FANCL: variants seen among roughly 807,000 people sequenced by gnomAD.
FANCL encodes FA complementation group L.
A neutral mutation model predicts 59.4 loss-of-function variants in FANCL; 69 were observed. That is an observed-to-expected ratio of 1.16 (90% CI 0.96 to 1.42). The LOEUF (loss-of-function observed/expected upper bound fraction) is 1.42. Among genes scored for constraint, FANCL ranks in the 40% most tolerant of loss-of-function variants. The pLI, the probability that FANCL is intolerant of heterozygous loss-of-function variation, is 0.00. For synonymous variants in FANCL, 180 were observed against 147.1 expected, an observed-to-expected ratio of 1.22 and a Z score of -1.62; for missense variants, 519 against 447.2, an observed-to-expected ratio of 1.16 and a Z score of -1.45.
At chr2:58,231,161 C>A (rs1468806509) in intron 2 of FANCL, among the ~76,000 whole-genome samples, 1 of 152,176 alleles carries the variant, frequency 6.6e-6, no homozygotes, top group Non-Finnish European at 1.5e-5. Context: ...AGTGACCAGT[C>A]CTTTAAATGT....
intron 7 of FANCL, among the ~76,000 whole-genome samples, chr2:58,190,211 T>C (rs1452964017): frequency 6.6e-6 from 1 of 151,990 alleles, no homozygotes; most frequent in Middle Eastern, 3.2e-3. Flanking sequence ...CTTCTATACT[T>C]AAGTTATTTT....
chr2:58,186,103 T>C (rs1381931380), intron 7 of FANCL, among the ~76,000 whole-genome samples: 1 of 152,172 alleles, frequency 6.6e-6, no homozygotes, highest in Admixed American at 6.6e-5. Flanking sequence ...ATTACAATTT[T>C]CTAGGGGCAA....
intron 6 of FANCL, 63 bp from the exon 7 acceptor site, chr2:58,198,725 T>C: frequency 7.5e-7 from 1 of 1,331,386 alleles, no homozygotes. Context: ...CTGAGGTATT[T>C]TAGAAAAACT....
chr2:58,163,146 G>A (rs1024412127), intron 9 of FANCL, 72 bp from the exon 10 acceptor site: 2 of 1,312,794 alleles, frequency 1.5e-6, no homozygotes, highest in Admixed American at 3.6e-5. Context: ...ATTTGATACA[G>A]AATGTTTCTT....
intron 7 of FANCL, among the ~76,000 whole-genome samples, chr2:58,172,805 G>C (rs1007623063): frequency 1.3e-5 from 2 of 152,214 alleles, no homozygotes; most frequent in African/African-American, 2.4e-5. Context: ...TTGACGAGTT[G>C]AGAGAAGAAG....
At chr2:58,163,403 T>A (rs10445895) in intron 9 of FANCL, 31 bp downstream of exon 9, 1 of 1,430,136 alleles carries the variant, frequency 7.0e-7, no homozygotes, top group East Asian at 2.3e-5. Context: ...TATGACTCTA[T>A]TAAAAAACGT....
At chr2:58,184,527 T>C (rs1688219976) in intron 7 of FANCL, among the ~76,000 whole-genome samples, 1 of 152,054 alleles carries the variant, frequency 6.6e-6, no homozygotes, top group Admixed American at 6.6e-5. Context: ...TTTGCAACTG[T>C]TAGATCTGCT....
chr2:58,169,053 G>A (rs993978306), intron 7 of FANCL, among the ~76,000 whole-genome samples: 9 of 152,140 alleles, frequency 5.9e-5, no homozygotes, highest in East Asian at 5.8e-4. Flanking sequence ...CTGCCTGCTG[G>A]CTCTGAAAAG....
chr2:58,236,064 G>C (rs1356343342), intron 1 of FANCL, among the ~76,000 whole-genome samples: 1 of 145,918 alleles, frequency 6.9e-6, no homozygotes, highest in East Asian at 2.0e-4. Flanking sequence ...AAAAAAAAAA[G>C]AAAGAAAGAA....
At chr2:58,214,244 G>A (rs1036159153) in intron 5 of FANCL, among the ~76,000 whole-genome samples, 5 of 151,970 alleles carry the variant, frequency 3.3e-5, no homozygotes, top group African/African-American at 1.2e-4. Context: ...CCTTATTTTT[G>A]GCTTTCATCT....
intron 7 of FANCL, among the ~76,000 whole-genome samples, chr2:58,197,650 C>T (rs564529345): frequency 3.9e-5 from 6 of 152,176 alleles, no homozygotes; most frequent in South Asian, 2.1e-4. Context: ...CAATGTACTG[C>T]GAAATTCAAC....
intron 5 of FANCL, among the ~76,000 whole-genome samples, chr2:58,214,514 T>C (rs1218490635): frequency 1.3e-5 from 2 of 152,100 alleles, no homozygotes; most frequent in Non-Finnish European, 2.9e-5. Flanking sequence ...GGAATCTTTA[T>C]TGTTGTTGCT....
At chr2:58,232,247 A>G (rs1178045520) in intron 1 of FANCL, 135 bp from the exon 2 acceptor site, 2 of 742,562 alleles carry the variant, frequency 2.7e-6, no homozygotes, top group East Asian at 2.7e-5. Flanking sequence ...ACATCTTTAT[A>G]CTTGTTAAAA....
At chr2:58,162,274 A>G (rs1362547199) in intron 11 of FANCL, among the ~76,000 whole-genome samples, 1 of 151,952 alleles carries the variant, frequency 6.6e-6, no homozygotes, top group African/African-American at 2.4e-5. Context: ...TTGAGAAACT[A>G]TAACTGCTTC....
intron 5 of FANCL, among the ~76,000 whole-genome samples, chr2:58,212,800 G>A (rs1691314096): frequency 6.6e-6 from 1 of 151,960 alleles, no homozygotes; most frequent in Non-Finnish European, 1.5e-5. Context: ...TAACCTTTGG[G>A]GAAGTTGCTG....
chr2:58,173,478 T>C (rs534372937), intron 7 of FANCL, among the ~76,000 whole-genome samples: 1 of 152,262 alleles, frequency 6.6e-6, no homozygotes, highest in East Asian at 1.9e-4. Flanking sequence ...TGGGAGCCAA[T>C]ATTCAACATT....
rs971589098 is a variant in FANCL, at chr2:58,159,250, T to G, written c.*515A>C. 2.7e-5 allele frequency: 25 copies of G among 912,508 alleles called. No individual in the cohort carries two copies. The highest frequency in any genetic ancestry group is 3.8e-5 in the Non-Finnish European group (23 of 613,072). 56.5% of individuals were successfully genotyped at this position (912,508 alleles called of 1,614,324 possible). A position where few individuals can be genotyped will look rare whatever the true frequency, so the allele number is the denominator to read the frequency against. Reference sequence around the variant, plus strand: ...AAAATAACACGCAAAAACTTGATCTTGTATAACATTTTATTTAGCATTCTT... The same window carrying G: ...AAAATAACACGCAAAAACTTGATCTGGTATAACATTTTATTTAGCATTCTT... On this transcript the variant is annotated 3_prime_UTR_variant, in exon 14 of 14. Coordinates refer to ENST00000233741, the MANE Select transcript of FANCL (RefSeq NM_018062.4).
chr2:58,173,414 C>G (rs1457449520), intron 7 of FANCL, among the ~76,000 whole-genome samples: 1 of 152,144 alleles, frequency 6.6e-6, no homozygotes, highest in Non-Finnish European at 1.5e-5. Context: ...CAAAGGGAAG[C>G]CCATCAGACT....
chr2:58,197,457 A>G (rs1188903568), intron 7 of FANCL, among the ~76,000 whole-genome samples: 1 of 152,108 alleles, frequency 6.6e-6, no homozygotes, highest in Non-Finnish European at 1.5e-5. Flanking sequence ...TGTTCTCTCC[A>G]TTTTGCTATC....
Sources: gnomAD v4.1 joint callset for allele counts (sites outside exome capture counted in the v4.1 genomes callset) on GRCh38, gnomAD v4.1.1 for gene constraint, MANE v1.5 for transcripts, NCBI Gene and HGNC (gene_info 2026-07-23, HGNC 2026-07-21) for gene names.